Variants in PTPRD observed in about 807,000 individuals in gnomAD.
The protein encoded by PTPRD is protein tyrosine phosphatase receptor type D.
In PTPRD, 34 loss-of-function variants were observed where a neutral mutation model predicts 214.5. The observed-to-expected ratio is 0.16, with a 90% confidence interval of 0.12 to 0.21. The LOEUF (loss-of-function observed/expected upper bound fraction) is 0.21. Among genes scored for constraint, PTPRD ranks in the 10% least tolerant of loss-of-function variants. The probability of loss-of-function intolerance (pLI) is 1.00; values close to 1 mark genes in which losing one functional copy is unlikely to be tolerated. For missense variants in PTPRD, 2,545 were observed against 2,398.7 expected, an observed-to-expected ratio of 1.06 and a Z score of -1.27; for synonymous variants, 1,128 against 845.7, an observed-to-expected ratio of 1.33 and a Z score of -5.79.
chr9:10,556,352 G>T (rs1054275920), intron 2 of PTPRD, among the ~76,000 whole-genome samples: 2 of 151,942 alleles, frequency 1.3e-5, no homozygotes, highest in African/African-American at 4.8e-5. Flanking sequence ...AACATGGAAG[G>T]AGATATGCTA....
rs111777299 is a variant in PTPRD at position 9,098,750 on chromosome 9, G to C, written c.-142-80015C>G. Among the ~76,000 whole-genome samples, 688 of 152,138 alleles carry C rather than the reference G, an allele frequency of 4.5e-3. 7 individuals are homozygous for C. Among genetic ancestry groups the C allele is most frequent in the African/African-American group, 0.016 (649 of 41,500 alleles). Reference sequence around the variant, plus strand: ...AAATACAAATGGATACAACATTTTGGGGAAAAATTAGGTATATTTTGTAAA... The same window carrying C: ...AAATACAAATGGATACAACATTTTGCGGAAAAATTAGGTATATTTTGTAAA... On this transcript the variant is annotated intron_variant, in intron 10 of 45. Transcript: ENST00000381196.
intron 4 of PTPRD, among the ~76,000 whole-genome samples, chr9:9,950,174 G>A (rs1287639325): frequency 6.6e-6 from 1 of 152,108 alleles, no homozygotes; most frequent in Admixed American, 6.5e-5. Flanking sequence ...ACTTTATGCT[G>A]ACCTAACCTG....
chr9:9,445,465 C>A lies in PTPRD; in HGVS notation c.-236-47983G>T, dbSNP rs959473791. Among the ~76,000 whole-genome samples the A allele has an allele frequency of 2.0e-5, 3 of 152,026 alleles. No homozygotes were observed. The East Asian group carries it at 5.8e-4, about 29-fold the overall frequency. ...TCTCATGCTGCTATAAAGAACTGCT[C>A]GGGACTGGATAATTCATAAATGAAA... is the stretch of plus-strand genomic sequence containing the variant. On this transcript the variant is annotated intron_variant, in intron 8 of 45. Coordinates refer to ENST00000381196, the MANE Select transcript of PTPRD (RefSeq NM_002839.4).
intron 4 of PTPRD, among the ~76,000 whole-genome samples, chr9:10,014,205 G>A (rs1195401568): frequency 6.6e-6 from 1 of 151,840 alleles, no homozygotes. Flanking sequence ...ATAATGAAAT[G>A]TCCCTTAAAG....
At chr9:8,709,812 T>C (rs918994397) in intron 12 of PTPRD, among the ~76,000 whole-genome samples, 1 of 152,166 alleles carries the variant, frequency 6.6e-6, no homozygotes, top group Non-Finnish European at 1.5e-5. Context: ...ACTAGAGTTA[T>C]AAAATATGTT....
At chr9:9,109,157 C>G (rs1435925728) in intron 10 of PTPRD, among the ~76,000 whole-genome samples, 1 of 152,112 alleles carries the variant, frequency 6.6e-6, no homozygotes, top group Non-Finnish European at 1.5e-5. Flanking sequence ...AAGATTGTAT[C>G]CTGCTATGGA....
intron 2 of PTPRD, among the ~76,000 whole-genome samples, chr9:10,533,036 C>T (rs1318724003): frequency 1.3e-5 from 2 of 152,062 alleles, no homozygotes; most frequent in East Asian, 1.9e-4. Flanking sequence ...TAATGCTCTC[C>T]AGATAGGGTG....
At chr9:9,155,335 C>A (rs978837807) in intron 10 of PTPRD, among the ~76,000 whole-genome samples, 6 of 151,996 alleles carry the variant, frequency 3.9e-5, no homozygotes, top group African/African-American at 1.4e-4. Flanking sequence ...ATCATACAAA[C>A]AAGGCTATCT....
At chr9:9,120,346 T>C (rs935346674) in intron 10 of PTPRD, among the ~76,000 whole-genome samples, 4 of 152,194 alleles carry the variant, frequency 2.6e-5, no homozygotes, top group African/African-American at 9.7e-5. Context: ...CGTGATGATA[T>C]ATGCCATCAG....
chr9:9,751,669 G>C lies in PTPRD; in HGVS notation c.-326+15141C>G, dbSNP rs544283392. 1.2e-4 allele frequency among the ~76,000 whole-genome samples: 19 copies of C among 152,204 alleles called. No individual in the cohort carries two copies. In the South Asian group the frequency reaches 2.9e-3, roughly 23 times the overall value. ...GAGACACACGGTACAAACATCATGT[G>C]AAGATGAAGACAGAGATTGGAATGA... On this transcript the variant is annotated intron_variant, in intron 6 of 45. Coordinates refer to ENST00000381196, the MANE Select transcript of PTPRD (RefSeq NM_002839.4).
intron 11 of PTPRD, among the ~76,000 whole-genome samples, chr9:9,005,528 T>C (rs2099458739): frequency 6.6e-6 from 1 of 152,042 alleles, no homozygotes; most frequent in African/African-American, 2.4e-5. Flanking sequence ...CACCCAACTT[T>C]CACAGATCAT....
chr9:8,996,680 C>G (rs2099398073), intron 11 of PTPRD, among the ~76,000 whole-genome samples: 1 of 152,050 alleles, frequency 6.6e-6, no homozygotes. Flanking sequence ...TGGCTATGTC[C>G]TCACATGGCA....
At chr9:9,064,645 G>A (rs1021602116) in intron 10 of PTPRD, among the ~76,000 whole-genome samples, 6 of 152,152 alleles carry the variant, frequency 3.9e-5, no homozygotes, top group Non-Finnish European at 8.8e-5. Context: ...TTTCTTTAAA[G>A]ATGACTGAGA....
At chr9:9,904,283 GGT>G (rs2077056202) in intron 5 of PTPRD, among the ~76,000 whole-genome samples, 1 of 152,094 alleles carries the variant, frequency 6.6e-6, no homozygotes. Flanking sequence ...CGCTAAGATA[GGT>G]CACTTCTGTA....
At chr9:10,546,278 T>C (rs1404928051) in intron 2 of PTPRD, among the ~76,000 whole-genome samples, 1 of 152,060 alleles carries the variant, frequency 6.6e-6, no homozygotes, top group Admixed American at 6.6e-5. Context: ...ATGTGTATAT[T>C]AAAGCCTTGA....
At position 8,736,572 on chromosome 9, in the gene PTPRD, G is replaced by C. The variant is rs192790636; in HGVS notation, c.-103-2626C>G. Among the ~76,000 whole-genome samples, 10 of 152,196 alleles carry C rather than the reference G, an allele frequency of 6.6e-5. No homozygotes were observed. In the East Asian group the frequency reaches 9.7e-4, roughly 15 times the overall value. Reference sequence around the variant, plus strand: ...CATAGTATGTCATTTCTGAAACTCAGCTTAAGCATGAGAACAAAAATTGTT... The same window carrying C: ...CATAGTATGTCATTTCTGAAACTCACCTTAAGCATGAGAACAAAAATTGTT... On this transcript the variant is annotated intron_variant, in intron 11 of 45. Transcript: ENST00000381196.
intron 3 of PTPRD, among the ~76,000 whole-genome samples, chr9:10,044,550 A>C (rs2097355535): frequency 6.6e-6 from 1 of 151,814 alleles, no homozygotes; most frequent in Non-Finnish European, 1.5e-5. Flanking sequence ...AGATTTGAGA[A>C]TTATCAAATA....
At chr9:9,970,402 A>C (rs980301428) in intron 4 of PTPRD, among the ~76,000 whole-genome samples, 12 of 146,560 alleles carry the variant, frequency 8.2e-5, no homozygotes, top group African/African-American at 3.1e-4. Flanking sequence ...GTGAGCCGAG[A>C]GCCTGGGCGA....
At chr9:9,320,365 T>A (rs893040735) in intron 9 of PTPRD, among the ~76,000 whole-genome samples, 1 of 152,188 alleles carries the variant, frequency 6.6e-6, no homozygotes, top group Non-Finnish European at 1.5e-5. Flanking sequence ...GAACCCCATA[T>A]ACTGGGCATG....
Sources: allele counts gnomAD v4.1 joint callset (sites outside exome capture counted in the v4.1 genomes callset), GRCh38; gene constraint gnomAD v4.1.1; transcripts MANE v1.5; gene names NCBI Gene and HGNC (gene_info 2026-07-23, HGNC 2026-07-21).